MPPED2: variants seen among roughly 807,000 people sequenced by gnomAD.
MPPED2 encodes metallophosphoesterase MPPED2.
Under a neutral mutation model 33.0 loss-of-function variants are expected in MPPED2, and 5 were observed. The ratio of observed to expected loss-of-function variants is 0.15; its 90% CI spans 0.08 to 0.32. The LOEUF (loss-of-function observed/expected upper bound fraction) is 0.32. Among genes scored for constraint, MPPED2 ranks in the 10% least tolerant of loss-of-function variants. The probability of loss-of-function intolerance (pLI) is 1.00; values close to 1 mark genes in which losing one functional copy is unlikely to be tolerated. For missense variants in MPPED2, 275 were observed against 372.1 expected (o/e 0.74, Z 2.15); for synonymous variants, 136 against 141.9 (o/e 0.96, Z 0.29).
rs975304632 is a variant in MPPED2, at chr11:30,478,927, G to C, written c.536+16369C>G. Among the ~76,000 whole-genome samples the C allele has an allele frequency of 2.6e-5, 4 of 152,202 alleles. No individual in the cohort carries two copies. In the East Asian group the frequency reaches 7.7e-4, roughly 29 times the overall value. ...AGCAGGCTGTTTGACAGAGAAAAAAGTTCTTGATGCTTTAGAAGAAAGGAA... is the reference window on the plus strand; with the variant it reads ...AGCAGGCTGTTTGACAGAGAAAAAACTTCTTGATGCTTTAGAAGAAAGGAA... On this transcript the variant is annotated intron_variant, in intron 4 of 6. Transcript: ENST00000358117.
chr11:30,512,927 G>T (rs1953305520), intron 3 of MPPED2, among the ~76,000 whole-genome samples: 1 of 151,996 alleles, frequency 6.6e-6, no homozygotes, highest in Non-Finnish European at 1.5e-5. Context: ...CTTGAATCGG[G>T]GGGCAGAGTT....
At chr11:30,566,605 G>C (rs1956453112) in intron 2 of MPPED2, among the ~76,000 whole-genome samples, 1 of 152,128 alleles carries the variant, frequency 6.6e-6, no homozygotes, top group South Asian at 2.1e-4. Flanking sequence ...CTCACTTCCT[G>C]GGGAAGCACA....
intron 4 of MPPED2, among the ~76,000 whole-genome samples, chr11:30,444,170 A>G (rs886310255): frequency 1.3e-5 from 2 of 152,214 alleles, no homozygotes; most frequent in South Asian, 4.1e-4. Flanking sequence ...TGTTAAGTGA[A>G]AAGTTTGCTC....
intron 2 of MPPED2, among the ~76,000 whole-genome samples, chr11:30,570,728 G>C (rs1340419818): frequency 6.6e-6 from 1 of 152,096 alleles, no homozygotes; most frequent in Non-Finnish European, 1.5e-5. Context: ...TTTTTTTCTT[G>C]ATTTCAGTTT....
chr11:30,560,990 A>G (rs1956216398), intron 2 of MPPED2, among the ~76,000 whole-genome samples: 1 of 152,196 alleles, frequency 6.6e-6, no homozygotes, highest in Non-Finnish European at 1.5e-5. Flanking sequence ...AATAGAAAAC[A>G]AGGTCAACTG....
chr11:30,398,399 C>A (rs1040796411), intron 6 of MPPED2, among the ~76,000 whole-genome samples: 1 of 152,096 alleles, frequency 6.6e-6, no homozygotes, highest in African/African-American at 2.4e-5. Flanking sequence ...CTGGGGTTAC[C>A]GTTTATTAGA....
intron 6 of MPPED2, 49 bp downstream of exon 6, chr11:30,414,179 T>C (rs746745476): frequency 7.8e-6 from 10 of 1,284,828 alleles, no homozygotes; most frequent in African/African-American, 7.3e-5. Context: ...TAGACTGAGA[T>C]AGTGGACAGG....
intron 2 of MPPED2, among the ~76,000 whole-genome samples, chr11:30,565,099 C>T (rs1956390623): frequency 6.6e-6 from 1 of 152,154 alleles, no homozygotes; most frequent in Non-Finnish European, 1.5e-5. Context: ...TATTGTGGAA[C>T]TCCGTGCAGC....
At chr11:30,551,589 G>A (rs1322346096) in intron 2 of MPPED2, among the ~76,000 whole-genome samples, 1 of 152,162 alleles carries the variant, frequency 6.6e-6, no homozygotes, top group Non-Finnish European at 1.5e-5. Context: ...ACTGAAAAGT[G>A]CTGTCTTTTG....
At chr11:30,420,339 G>A (rs1219980628) in intron 4 of MPPED2, among the ~76,000 whole-genome samples, 1 of 152,174 alleles carries the variant, frequency 6.6e-6, no homozygotes, top group African/African-American at 2.4e-5. Flanking sequence ...AGCTGGAAAA[G>A]TTACGAAAAA....
chr11:30,490,552 G>T (rs1209678114), intron 4 of MPPED2, among the ~76,000 whole-genome samples: 2 of 151,968 alleles, frequency 1.3e-5, no homozygotes, highest in Admixed American at 6.6e-5. Flanking sequence ...TTTCCTTCCA[G>T]ACCTGGCATC....
chr11:30,407,499 C>CGGT (rs1399001560), downstream of MPPED2, among the ~76,000 whole-genome samples: 1 of 152,206 alleles, frequency 6.6e-6, no homozygotes, highest in Non-Finnish European at 1.5e-5. Context: ...AGGCTTGTTA[C>CGGT]GGTTCCTAAG....
intron 4 of MPPED2, among the ~76,000 whole-genome samples, chr11:30,444,128 G>A (rs1302932536): frequency 1.3e-5 from 2 of 152,106 alleles, no homozygotes; most frequent in Middle Eastern, 3.2e-3. Context: ...CACTGGAAAA[G>A]CAAAAAAGAA....
intron 2 of MPPED2, among the ~76,000 whole-genome samples, chr11:30,555,231 G>A (rs1955909776): frequency 6.6e-6 from 1 of 152,082 alleles, no homozygotes; most frequent in Non-Finnish European, 1.5e-5. Flanking sequence ...CCTCAACACT[G>A]TGACTCTCTT....
rs932587798 is a variant in MPPED2, at chr11:30,410,671, T to C, written c.*797A>G. ...TTTGCAGTTGTACTGTCCTTGACAA[T>C]AATAAACTCCTAACGTAGTCATAAT... On this transcript the variant is annotated 3_prime_UTR_variant, in exon 7 of 7. Coordinates refer to ENST00000358117, the MANE Select transcript of MPPED2 (RefSeq NM_001584.3). 2.2e-5 allele frequency: 22 copies of C among 985,418 alleles called. No homozygotes were observed. In the African/African-American group the frequency reaches 3.8e-4, roughly 17 times the overall value. 61.0% of individuals were successfully genotyped at this position (985,418 alleles called of 1,614,324 possible).
intron 2 of MPPED2, among the ~76,000 whole-genome samples, chr11:30,555,413 C>T (rs899075350): frequency 5.9e-5 from 9 of 152,198 alleles, no homozygotes; most frequent in Admixed American, 1.3e-4. Flanking sequence ...GTACTTCAGG[C>T]TACTGTTCAC....
chr11:30,539,541 T>C (rs76758557), intron 2 of MPPED2, among the ~76,000 whole-genome samples: 3,623 of 152,296 alleles, frequency 0.024, 74 homozygotes, highest in Admixed American at 0.054. Flanking sequence ...ATGTTTTACA[T>C]GACATCTGAA....
At chr11:30,523,128 G>A (rs1953965303) in intron 3 of MPPED2, among the ~76,000 whole-genome samples, 1 of 150,242 alleles carries the variant, frequency 6.7e-6, no homozygotes, top group African/African-American at 2.4e-5. Context: ...AACCAATAAT[G>A]AAAATTTATC....
intron 4 of MPPED2, among the ~76,000 whole-genome samples, chr11:30,477,153 T>G (rs1383111473): frequency 1.3e-5 from 2 of 152,090 alleles, no homozygotes; most frequent in Non-Finnish European, 2.9e-5. Context: ...ATGACAACCC[T>G]GTCATCTGCA....
Sources: allele counts gnomAD v4.1 joint callset (sites outside exome capture counted in the v4.1 genomes callset), GRCh38; gene constraint gnomAD v4.1.1; transcripts MANE v1.5; gene names NCBI Gene and HGNC (gene_info 2026-07-23, HGNC 2026-07-21).